Variants in GIPC2 observed in about 807,000 individuals in gnomAD.
GIPC2 encodes the protein PDZ domain-containing protein GIPC2.
GIPC2 carries 30 observed loss-of-function variants against 30.6 expected under a neutral mutation model. That is an observed-to-expected ratio of 0.98 (90% CI 0.73 to 1.33). The LOEUF (loss-of-function observed/expected upper bound fraction) is 1.33, where lower values mean the gene tolerates loss of function less well. Ranked by LOEUF, GIPC2 falls within the 40% of genes most tolerant of loss-of-function variation. The pLI is 0.00. For synonymous variants in GIPC2, 167 were observed against 150.0 expected, an observed-to-expected ratio of 1.11 and a Z score of -0.83; for missense variants, 414 against 390.3, an observed-to-expected ratio of 1.06 and a Z score of -0.51.
At chr1:78,133,749 ATTGTGTGTGTGTG>A (rs1662946522) in intron 5 of GIPC2, among the ~76,000 whole-genome samples, 1 of 96,614 alleles carries the variant, frequency 1.0e-5, no homozygotes, top group Non-Finnish European at 1.9e-5. Context: ...GGAAAAAAAA[ATTGTGTGTGTGTG>A]TGTGTGTGTG....
chr1:78,095,180 G>C (rs368418667), intron 3 of GIPC2, 48 bp downstream of exon 3: 2 of 1,321,382 alleles, frequency 1.5e-6, no homozygotes, highest in Non-Finnish European at 2.2e-6. Flanking sequence ...TGCTTTCCCT[G>C]GTTTATCTTT....
chr1:78,078,850 A>C (rs895237427), intron 1 of GIPC2, among the ~76,000 whole-genome samples: 12 of 151,564 alleles, frequency 7.9e-5, no homozygotes, highest in Non-Finnish European at 1.3e-4. Flanking sequence ...AAAAAAAAAA[A>C]AAAAAACAAC....
At position 78,046,006 on chromosome 1, in the gene GIPC2, C is replaced by A; in HGVS notation, c.-89C>A. ...TGCCATTGGAGGCTGCTTTTACCTGCGCGGGGCCCGGGGCGCAAAGTCCGA... is the reference window on the plus strand; with the variant it reads ...TGCCATTGGAGGCTGCTTTTACCTGAGCGGGGCCCGGGGCGCAAAGTCCGA... On this transcript the variant is annotated 5_prime_UTR_variant, in exon 1 of 6. Coordinates refer to ENST00000370759, the MANE Select transcript of GIPC2 (RefSeq NM_017655.6). The A allele has an allele frequency of 7.2e-7, 1 of 1,393,828 alleles. No individual in the cohort carries two copies. The highest frequency in any genetic ancestry group is 9.3e-7 in the Non-Finnish European group (1 of 1,076,860). 86.3% of individuals were successfully genotyped at this position (1,393,828 alleles called of 1,614,324 possible).
intron 3 of GIPC2, among the ~76,000 whole-genome samples, chr1:78,107,935 C>T (rs1662391513): frequency 6.9e-6 from 1 of 145,950 alleles, no homozygotes; most frequent in Non-Finnish European, 1.5e-5. Context: ...TGATGCTCCT[C>T]ATTAAACAAT....
chr1:78,062,505 CTT>C (rs373436177), intron 1 of GIPC2, among the ~76,000 whole-genome samples: 25 of 138,490 alleles, frequency 1.8e-4, no homozygotes, highest in Non-Finnish European at 1.7e-4. Context: ...TTTTCTTTTT[CTT>C]TTTTTTTTTT....
At chr1:78,094,356 TA>T (rs1311012603) in intron 2 of GIPC2, among the ~76,000 whole-genome samples, 1 of 152,240 alleles carries the variant, frequency 6.6e-6, no homozygotes, top group Non-Finnish European at 1.5e-5. Flanking sequence ...GATATTAGTT[TA>T]GTAATGGAGA....
chr1:78,094,664 C>G, intron 2 of GIPC2: 1 of 207,266 alleles, frequency 4.8e-6, no homozygotes, highest in Non-Finnish European at 9.8e-6. Flanking sequence ...ATAAGGAAGA[C>G]GAAGAATGGT....
At chr1:78,082,255 A>T (rs1661844940) in intron 2 of GIPC2, among the ~76,000 whole-genome samples, 1 of 152,174 alleles carries the variant, frequency 6.6e-6, no homozygotes, top group African/African-American at 2.4e-5. Flanking sequence ...TGGCACTTCT[A>T]TTCACTCGAT....
chr1:78,090,485 G>A (rs554594523), intron 2 of GIPC2, among the ~76,000 whole-genome samples: 18 of 152,188 alleles, frequency 1.2e-4, no homozygotes, highest in African/African-American at 4.3e-4. Context: ...ATGAGCCACC[G>A]CACCAAGCTG....
Position 78,080,777 on chromosome 1 carries a change from G to T in GIPC2, c.343G>T (p.Glu115Ter). Residue 115 changes from glutamate to a stop codon, truncating the protein, a stop_gained, in exon 2 of 6, where the codon GAA (glutamate) becomes TAA (stop). Coordinates refer to ENST00000370759, the MANE Select transcript of GIPC2 (RefSeq NM_017655.6). LOFTEE classifies it high-confidence loss of function. ...CATATTTGCCCATGTGAAAGGAATCGAAAAAGAAGTGAATGTGTATAAATC... is the reference window on the plus strand; with the variant it reads ...CATATTTGCCCATGTGAAAGGAATCTAAAAAGAAGTGAATGTGTATAAATC... ...DFIFAHVKGI[E>*]KEVNVYKSED... 1 of 1,609,462 alleles carries T rather than the reference G, an allele frequency of 6.2e-7. No homozygotes were observed.
intron 2 of GIPC2, chr1:78,091,771 G>A: frequency 1.3e-6 from 1 of 776,524 alleles, no homozygotes; most frequent in Non-Finnish European, 2.4e-6. Context: ...TAGCACAGAA[G>A]AGGGAGGATA....
intron 4 of GIPC2, among the ~76,000 whole-genome samples, chr1:78,120,809 C>T (rs892829446): frequency 3.9e-5 from 6 of 152,208 alleles, no homozygotes; most frequent in Non-Finnish European, 4.4e-5. Flanking sequence ...TTACCTCCCA[C>T]CGGGTCCCTC....
At chr1:78,078,060 C>T (rs1298762064) in intron 1 of GIPC2, among the ~76,000 whole-genome samples, 1 of 149,558 alleles carries the variant, frequency 6.7e-6, no homozygotes, top group African/African-American at 2.5e-5. Flanking sequence ...TAGTGGCGGG[C>T]GCCTGTAGTC....
At chr1:78,056,557 G>A (rs1243573217) in intron 1 of GIPC2, among the ~76,000 whole-genome samples, 1 of 152,196 alleles carries the variant, frequency 6.6e-6, no homozygotes, top group Non-Finnish European at 1.5e-5. Context: ...CATGTGCCCA[G>A]CTTCGACAAT....
chr1:78,076,942 T>A (rs1661728067), intron 1 of GIPC2, among the ~76,000 whole-genome samples: 2 of 151,984 alleles, frequency 1.3e-5, no homozygotes, highest in East Asian at 1.9e-4. Flanking sequence ...CTATTTTTTT[T>A]TTTTATTTTT....
intron 1 of GIPC2, among the ~76,000 whole-genome samples, chr1:78,057,988 T>C (rs1020219891): frequency 5.9e-5 from 9 of 152,218 alleles, no homozygotes; most frequent in African/African-American, 2.2e-4. Context: ...AAAAAGGACC[T>C]AGAAGCTTTT....
chr1:78,086,482 A>G (rs1399191609), intron 2 of GIPC2, among the ~76,000 whole-genome samples: 1 of 152,048 alleles, frequency 6.6e-6, no homozygotes, highest in South Asian at 2.1e-4. Flanking sequence ...TATCTTTGTT[A>G]ATTTTCTACC....
chr1:78,095,080 A>C lies in GIPC2; in HGVS notation c.555A>C (p.Leu185Phe). 6.2e-7 allele frequency: 1 copy of C among 1,612,268 alleles called. No homozygotes were observed. Among genetic ancestry groups the C allele is most frequent in the African/African-American group, 1.3e-5 (1 of 74,980 alleles). The stretch of plus-strand genomic sequence containing the variant: ...ATGTTGCTAAGAAGTTAAAGGAATT[A>C]AAAAAGGAGGAACTCTTTACTATGA... ...HYDVAKKLKE[L>F]KKEELFTMKL... is the part of the protein sequence containing the mutation. Residue 185 changes from leucine to phenylalanine, a missense_variant, in exon 3 of 6, where the codon TTA becomes TTC. Physicochemically the swap from Leu to Phe is conservative, Grantham distance 22. Coordinates refer to ENST00000370759, the MANE Select transcript of GIPC2 (RefSeq NM_017655.6).
At chr1:78,091,236 T>C (rs1421663888) in intron 2 of GIPC2, among the ~76,000 whole-genome samples, 3 of 152,240 alleles carry the variant, frequency 2.0e-5, no homozygotes, top group East Asian at 3.8e-4. Context: ...AGGCTTATTG[T>C]GAAGACTAAA....
Sources: allele counts gnomAD v4.1 joint callset (sites outside exome capture counted in the v4.1 genomes callset), GRCh38; gene constraint gnomAD v4.1.1; transcripts MANE v1.5; gene names NCBI Gene and HGNC (gene_info 2026-07-23, HGNC 2026-07-21).